COL6A5: variants seen among roughly 807,000 people sequenced by gnomAD.
COL6A5 encodes collagen type VI alpha 5 chain.
COL6A5 carries 48 observed loss-of-function variants against 65.6 expected under a neutral mutation model. The observed-to-expected ratio is 0.73, with a 90% CI of 0.58 to 0.93. COL6A5 has a LOEUF of 0.93. Among genes scored for constraint, COL6A5 ranks in the 40% least tolerant of loss-of-function variants. The pLI is 0.00. For synonymous variants in COL6A5, 291 were observed against 322.8 expected (o/e 0.90, Z 1.05); for missense variants, 914 against 928.3 (o/e 0.98, Z 0.20).
chr3:130,397,816 T>C, exon 9 of COL6A5: 1 of 1,551,654 alleles, frequency 6.4e-7, no homozygotes, highest in Non-Finnish European at 8.7e-7. Context: ...GAAAGCAGTG[T>C]TTGACAGCTT....
At chr3:130,431,531 A>G (rs1937806139) in exon 1 of COL6A5, 3 of 1,551,608 alleles carry the variant, frequency 1.9e-6, no homozygotes, top group Non-Finnish European at 8.7e-7. Context: ...GTCACAGAAG[A>G]GAGCTTTAAT....
chr3:130,419,051 G>C lies in COL6A5; in HGVS notation c.4950+120G>C, dbSNP rs1937448496. On this transcript the variant is annotated intron_variant and NMD_transcript_variant, in intron 25 of 41. Coordinates refer to the COL6A5 transcript ENST00000312481. ...GCATGAAAGGTATTTCAGCATCTAG[G>C]AAAATGTGAGAACATTTCTCCCACC... The C allele has an allele frequency of 1.2e-5, 9 of 754,570 alleles. No homozygotes were observed. The East Asian group carries it at 2.4e-4, about 20-fold the overall frequency. 46.7% of individuals were successfully genotyped at this position (754,570 alleles called of 1,614,324 possible).
At chr3:130,351,848 A>T (rs1353454355) in intron 1 of COL6A5, among the ~76,000 whole-genome samples, 4 of 152,216 alleles carry the variant, frequency 2.6e-5, no homozygotes, top group Non-Finnish European at 5.9e-5. Flanking sequence ...CTATAAAGAC[A>T]CATGCACACG....
chr3:130,415,795 A>G, intron 23 of COL6A5, 88 bp downstream of exon 23: 1 of 1,113,988 alleles, frequency 9.0e-7, no homozygotes, highest in Non-Finnish European at 1.2e-6. Context: ...AATTTTTTGT[A>G]TTATTTACAT....
At chr3:130,388,498 T>C (rs1401818394) in intron 5 of COL6A5, 82 bp from the exon 6 acceptor site, 1 of 1,071,294 alleles carries the variant, frequency 9.3e-7, no homozygotes, top group East Asian at 2.6e-5. Context: ...TTCTCATTAA[T>C]GCATTTGTTT....
chr3:130,434,583 G>A (rs1244302208), intron 1 of COL6A5, among the ~76,000 whole-genome samples: 2 of 152,104 alleles, frequency 1.3e-5, no homozygotes, highest in Non-Finnish European at 2.9e-5. Flanking sequence ...TTTATCCACA[G>A]CCTTGCCAGC....
At chr3:130,397,527 C>G in intron 8 of COL6A5, 56 bp from the exon 9 acceptor site, 2 of 1,381,242 alleles carry the variant, frequency 1.4e-6, no homozygotes, top group Non-Finnish European at 2.0e-6. Flanking sequence ...TCTGCCGTCT[C>G]TCCTTCCTTA....
At chr3:130,367,317 C>A (rs1353984506) in intron 1 of COL6A5, among the ~76,000 whole-genome samples, 1 of 152,188 alleles carries the variant, frequency 6.6e-6, no homozygotes, top group Admixed American at 6.5e-5. Flanking sequence ...GTTGTAGACA[C>A]CTCTCTACCT....
intron 4 of COL6A5, among the ~76,000 whole-genome samples, chr3:130,448,629 T>C (rs2107710437): frequency 6.6e-6 from 1 of 152,220 alleles, no homozygotes; most frequent in African/African-American, 2.4e-5. Flanking sequence ...TTGGTAACAG[T>C]CAATTAATTC....
chr3:130,421,679 AT>A (rs1167357571), intron 27 of COL6A5, among the ~76,000 whole-genome samples: 6 of 152,092 alleles, frequency 3.9e-5, no homozygotes, highest in Admixed American at 2.6e-4. Context: ...GGTTATTGCT[AT>A]TTGTTCTTCA....
At chr3:130,431,231 C>A, upstream of COL6A5, 1 of 685,224 alleles carries the variant, frequency 1.5e-6, no homozygotes, top group Non-Finnish European at 2.7e-6. Context: ...TGATAGTGGG[C>A]TGTGAAGTCT....
chr3:130,408,804 C>T (rs1036519092), intron 17 of COL6A5, among the ~76,000 whole-genome samples: 2 of 152,148 alleles, frequency 1.3e-5, no homozygotes, highest in African/African-American at 4.8e-5. Context: ...AAAGAAACTA[C>T]GTTGAAATAT....
exon 6 of COL6A5, chr3:130,388,810 A>G: frequency 1.3e-6 from 2 of 1,551,442 alleles, no homozygotes; most frequent in South Asian, 2.4e-5. Context: ...AATAGATAGA[A>G]TGTCTCTCAT....
chr3:130,450,575 G>A (rs1189347812), intron 4 of COL6A5, among the ~76,000 whole-genome samples: 1 of 152,118 alleles, frequency 6.6e-6, no homozygotes, highest in Non-Finnish European at 1.5e-5. Context: ...CTTGTGATCA[G>A]GTAAATTTTG....
At chr3:130,354,847 T>C (rs1394957448) in intron 1 of COL6A5, among the ~76,000 whole-genome samples, 5 of 152,198 alleles carry the variant, frequency 3.3e-5, no homozygotes, top group Non-Finnish European at 7.4e-5. Flanking sequence ...TGGTAGCCAC[T>C]CACTGTATTG....
chr3:130,347,028 C>G (rs914783303), intron 1 of COL6A5, among the ~76,000 whole-genome samples: 2 of 152,172 alleles, frequency 1.3e-5, no homozygotes, highest in Non-Finnish European at 2.9e-5. Context: ...GAGGCAGGCT[C>G]TTCATCACTG....
intron 24 of COL6A5, among the ~76,000 whole-genome samples, chr3:130,417,093 C>T (rs1167963140): frequency 6.6e-6 from 1 of 151,626 alleles, no homozygotes. Context: ...TTGGCCCCCA[C>T]CCCCCGACAG....
intron 4 of COL6A5, among the ~76,000 whole-genome samples, chr3:130,455,220 A>T (rs188546496): frequency 6.6e-6 from 1 of 152,202 alleles, no homozygotes; most frequent in African/African-American, 2.4e-5. Context: ...AGTAGTACTT[A>T]ATAGGCTCTA....
exon 25 of COL6A5, chr3:130,418,878 G>A (rs1577489940): frequency 1.3e-6 from 2 of 1,550,700 alleles, no homozygotes; most frequent in Non-Finnish European, 1.7e-6. Flanking sequence ...GGGAGAGCCT[G>A]GACTTCCTGG....
Sources: allele counts gnomAD v4.1 joint callset (sites outside exome capture counted in the v4.1 genomes callset), GRCh38; gene constraint gnomAD v4.1.1; transcripts MANE v1.5; gene names NCBI Gene and HGNC (gene_info 2026-07-23, HGNC 2026-07-21).